The following MSRA variants were observed in gnomAD, a reference collection of about 807,000 sequenced individuals.
MSRA encodes methionine sulfoxide reductase A.
MSRA carries 54 observed loss-of-function variants against 31.3 expected under a neutral mutation model. That is an observed-to-expected ratio of 1.73 (90% CI 1.39 to 2.17). The LOEUF (loss-of-function observed/expected upper bound fraction) is 2.17, where lower values mean the gene tolerates loss of function less well. Among genes scored for constraint, MSRA ranks in the 30% most tolerant of loss-of-function variants. MSRA has a pLI of 0.00. For missense variants in MSRA, 507 were observed against 300.9 expected, an observed-to-expected ratio of 1.69 and a Z score of -5.07; for synonymous variants, 169 against 116.5, an observed-to-expected ratio of 1.45 and a Z score of -2.90.
rs570211969 is a variant in MSRA at position 10,149,367 on chromosome 8, G to T, written c.143-58466G>T. 1.3e-3 allele frequency among the ~76,000 whole-genome samples: 194 copies of T among 152,152 alleles called. 1 individual carries two copies. Among genetic ancestry groups the T allele is most frequent in the African/African-American group, 4.2e-3 (174 of 41,534 alleles). On this transcript the variant is annotated intron_variant, in intron 1 of 5. Coordinates refer to ENST00000317173, the MANE Select transcript of MSRA (RefSeq NM_012331.5). ...CAAACTCCGCGACCTCAGGTGATCCGCCCGCCTCGGCCTCCCAAAGTGCTG... is the reference window on the plus strand; with the variant it reads ...CAAACTCCGCGACCTCAGGTGATCCTCCCGCCTCGGCCTCCCAAAGTGCTG...
intron 1 of MSRA, among the ~76,000 whole-genome samples, chr8:10,207,329 G>C (rs766058625): frequency 5.3e-5 from 8 of 152,188 alleles, no homozygotes; most frequent in Non-Finnish European, 1.0e-4. Flanking sequence ...AACAGTGCTT[G>C]TACTGTACTG....
At chr8:10,276,442 A>G (rs1799326357) in intron 3 of MSRA, among the ~76,000 whole-genome samples, 1 of 152,202 alleles carries the variant, frequency 6.6e-6, no homozygotes. Flanking sequence ...GGACCTGACA[A>G]TTCCGGCCTC....
chr8:10,380,662 G>A (rs1039631587), intron 5 of MSRA, among the ~76,000 whole-genome samples: 1 of 152,172 alleles, frequency 6.6e-6, no homozygotes, highest in African/African-American at 2.4e-5. Context: ...GAAACCAGTA[G>A]TATGCTTGGC....
At chr8:10,112,765 G>A (rs1388201037) in intron 1 of MSRA, among the ~76,000 whole-genome samples, 2 of 151,420 alleles carry the variant, frequency 1.3e-5, no homozygotes, top group South Asian at 4.1e-4. Context: ...TCTGAGCCCT[G>A]CAGGGGTGGG....
chr8:10,140,713 G>A (rs1258906811), intron 1 of MSRA, among the ~76,000 whole-genome samples: 1 of 152,192 alleles, frequency 6.6e-6, no homozygotes, highest in African/African-American at 2.4e-5. Context: ...GGAAAAATGA[G>A]TCAAGATCAA....
At chr8:10,327,189 G>A (rs2129141864) in intron 5 of MSRA, among the ~76,000 whole-genome samples, 1 of 152,272 alleles carries the variant, frequency 6.6e-6, no homozygotes, top group African/African-American at 2.4e-5. Flanking sequence ...ATTACCCACT[G>A]TGTTTCAAAT....
At chr8:10,407,043 A>C (rs2129186675) in intron 5 of MSRA, among the ~76,000 whole-genome samples, 1 of 152,072 alleles carries the variant, frequency 6.6e-6, no homozygotes, top group South Asian at 2.1e-4. Context: ...ACACTTGGCT[A>C]ATTTTTTTAT....
intron 5 of MSRA, among the ~76,000 whole-genome samples, chr8:10,414,581 G>T (rs767762899): frequency 6.6e-6 from 1 of 152,194 alleles, no homozygotes; most frequent in African/African-American, 2.4e-5. Context: ...AATTGCTGCA[G>T]TTCTTCTGTG....
chr8:10,243,127 C>T (rs1210521415), intron 2 of MSRA, among the ~76,000 whole-genome samples: 3 of 152,180 alleles, frequency 2.0e-5, no homozygotes, highest in Admixed American at 6.5e-5. Flanking sequence ...GACAGGCTAG[C>T]TACTAAAATG....
intron 1 of MSRA, among the ~76,000 whole-genome samples, chr8:10,111,879 G>A (rs528705085): frequency 2.0e-5 from 3 of 152,250 alleles, no homozygotes; most frequent in East Asian, 1.9e-4. Flanking sequence ...TGTCATTAAC[G>A]GAGGAGGATG....
intron 5 of MSRA, among the ~76,000 whole-genome samples, chr8:10,377,229 G>T (rs774061480): frequency 1.3e-5 from 2 of 152,260 alleles, no homozygotes; most frequent in Non-Finnish European, 1.5e-5. Context: ...GTTCACCTGC[G>T]TGGCTTAACG....
At chr8:10,208,899 A>G (rs549726491) in intron 2 of MSRA, among the ~76,000 whole-genome samples, 11 of 152,344 alleles carry the variant, frequency 7.2e-5, no homozygotes, top group Non-Finnish European at 1.5e-4. Context: ...TGAACTGGAA[A>G]TTAGCCTCAG....
chr8:10,281,592 C>G (rs1799626148), intron 3 of MSRA, among the ~76,000 whole-genome samples: 1 of 152,212 alleles, frequency 6.6e-6, no homozygotes. Flanking sequence ...GCATATAACA[C>G]AACTTAGAAA....
intron 3 of MSRA, among the ~76,000 whole-genome samples, chr8:10,273,568 ATAATTAT>A (rs937397006): frequency 2.6e-5 from 4 of 152,228 alleles, no homozygotes; most frequent in Non-Finnish European, 4.4e-5. Flanking sequence ...GAGAACAGTG[ATAATTAT>A]TAATATCACA....
intron 1 of MSRA, among the ~76,000 whole-genome samples, chr8:10,118,960 TG>T (rs1800894707): frequency 6.6e-6 from 1 of 152,168 alleles, no homozygotes; most frequent in Non-Finnish European, 1.5e-5. Flanking sequence ...CGGGCTGGTC[TG>T]GTCCCCTCCA....
intron 2 of MSRA, among the ~76,000 whole-genome samples, chr8:10,220,875 G>A (rs531164268): frequency 6.6e-6 from 1 of 152,320 alleles, no homozygotes; most frequent in South Asian, 2.1e-4. Context: ...GAGGAGGACT[G>A]GGGAGGGTCG....
At chr8:10,171,185 A>G (rs1420002268) in intron 1 of MSRA, among the ~76,000 whole-genome samples, 1 of 152,208 alleles carries the variant, frequency 6.6e-6, no homozygotes, top group African/African-American at 2.4e-5. Context: ...AAGCTGGGCC[A>G]GATGTAGTCT....
rs548357515 is a variant in MSRA, at chr8:10,286,213, T to G, written c.332-15321T>G. On this transcript the variant is annotated intron_variant, in intron 3 of 5. Transcript: ENST00000317173. The stretch of plus-strand genomic sequence containing the variant: ...CTCTACCTGTGTGTGTCTAAGTAGT[T>G]CCCGTTTTTCAACATTGATATGGTT... 5.9e-5 allele frequency among the ~76,000 whole-genome samples: 9 copies of G among 152,318 alleles called. No individual in the cohort carries two copies. The South Asian group carries it at 1.9e-3, about 32-fold the overall frequency.
chr8:10,106,697 C>G (rs1372735518), intron 1 of MSRA, among the ~76,000 whole-genome samples: 3 of 152,184 alleles, frequency 2.0e-5, no homozygotes, highest in Non-Finnish European at 2.9e-5. Context: ...TGTGATTTCA[C>G]ATTTGTTCAC....
Sources: allele counts gnomAD v4.1 joint callset (sites outside exome capture counted in the v4.1 genomes callset), GRCh38; gene constraint gnomAD v4.1.1; transcripts MANE v1.5; gene names NCBI Gene and HGNC (gene_info 2026-07-23, HGNC 2026-07-21).